The following TMTC2 variants were observed in gnomAD, a reference collection of about 807,000 sequenced individuals.
TMTC2 encodes the protein transmembrane O-mannosyltransferase targeting cadherins 2, also known as protein O-mannosyl-transferase TMTC2.
A neutral mutation model predicts 82.4 loss-of-function variants in TMTC2; 43 were observed. The ratio of observed to expected loss-of-function variants is 0.52; its 90% CI spans 0.41 to 0.67. The LOEUF (loss-of-function observed/expected upper bound fraction) is 0.67, where lower values mean the gene tolerates loss of function less well. TMTC2 is among the 30% of genes least tolerant of loss of function. TMTC2 has a pLI of 0.00. For missense variants in TMTC2, 919 were observed against 1,012.4 expected (o/e 0.91, Z 1.25); for synonymous variants, 408 against 381.9 (o/e 1.07, Z -0.80).
intron 2 of TMTC2, among the ~76,000 whole-genome samples, chr12:82,871,895 A>G (rs1872198959): frequency 6.6e-6 from 1 of 152,068 alleles, no homozygotes; most frequent in Admixed American, 6.6e-5. Context: ...AGTAGTGAAG[A>G]AAATAGACAA....
intron 1 of TMTC2, among the ~76,000 whole-genome samples, chr12:82,774,482 A>G (rs1877480495): frequency 6.6e-6 from 1 of 151,952 alleles, no homozygotes; most frequent in African/African-American, 2.4e-5. Context: ...CTAGCTGAGC[A>G]TGGTGGCATG....
chr12:82,735,392 CT>C lies in TMTC2; in HGVS notation c.83+47724del, dbSNP rs1479080718. 1.3e-4 allele frequency among the ~76,000 whole-genome samples: 19 copies of C among 150,286 alleles called. 1 individual carries two copies. The highest frequency in any genetic ancestry group is 1.1e-3 in the Admixed American group (17 of 15,048). On this transcript the variant is annotated intron_variant, in intron 1 of 11. Coordinates refer to ENST00000321196, the MANE Select transcript of TMTC2 (RefSeq NM_152588.3). ...ACAGAGTCTTACTCCGTCGCCCAGG[CT>C]GGAGTGCAGTGGCGCGATCTCGGCT...
Position 82,748,598 on chromosome 12 carries a change from A to G in TMTC2, c.83+60929A>G, listed in dbSNP as rs1269203251. On this transcript the variant is annotated intron_variant, in intron 1 of 11. Transcript: ENST00000321196. ...TGGATTAAATACATTAGTGGGGGCC[A>G]GACTCGGTGGCTCACACCTGTAATC... Among the ~76,000 whole-genome samples, 3 of 152,120 alleles carry G rather than the reference A, an allele frequency of 2.0e-5. No individual in the cohort carries two copies. In the East Asian group the frequency reaches 5.8e-4, roughly 29 times the overall value.
chr12:82,690,255 G>A (rs964054286), intron 1 of TMTC2: 19 of 422,132 alleles, frequency 4.5e-5, no homozygotes, highest in African/African-American at 3.2e-4. Flanking sequence ...CAGATGCAAA[G>A]ATTCATGTTT....
At chr12:82,917,845 A>G (rs71450909) in intron 3 of TMTC2, among the ~76,000 whole-genome samples, 2,148 of 150,270 alleles carry the variant, frequency 0.014, 30 homozygotes, top group Non-Finnish European at 0.022. Context: ...CTCGTGATCC[A>G]CCCGCCTTGG....
intron 3 of TMTC2, among the ~76,000 whole-genome samples, chr12:82,906,241 T>C (rs1324077521): frequency 6.6e-6 from 1 of 152,226 alleles, no homozygotes; most frequent in African/African-American, 2.4e-5. Context: ...TGATGAGTTG[T>C]AATTAACCAG....
chr12:82,723,504 GATGGGACCT>G (rs1231534760), intron 1 of TMTC2, among the ~76,000 whole-genome samples: 1 of 152,148 alleles, frequency 6.6e-6, no homozygotes, highest in African/African-American at 2.4e-5. Flanking sequence ...AGGTACTGGG[GATGGGACCT>G]ATGTCTAAAC....
intron 11 of TMTC2, among the ~76,000 whole-genome samples, chr12:83,080,661 A>G (rs967208656): frequency 5.9e-5 from 9 of 152,158 alleles, no homozygotes; most frequent in Non-Finnish European, 1.0e-4. Context: ...CTTCATGTGT[A>G]ACATTACCTA....
chr12:82,716,667 G>A (rs1873918907), intron 1 of TMTC2, among the ~76,000 whole-genome samples: 1 of 152,032 alleles, frequency 6.6e-6, no homozygotes, highest in Non-Finnish European at 1.5e-5. Context: ...CGGCCTGTCT[G>A]GTACATTTTT....
At chr12:82,760,860 C>T (rs191778991) in intron 1 of TMTC2, 8 of 411,814 alleles carry the variant, frequency 1.9e-5, no homozygotes, top group African/African-American at 1.7e-4. Flanking sequence ...CATTGTCTCC[C>T]CTCACCCCCA....
chr12:82,865,211 A>G (rs1467547795), intron 2 of TMTC2, among the ~76,000 whole-genome samples: 5 of 152,118 alleles, frequency 3.3e-5, no homozygotes, highest in African/African-American at 1.2e-4. Flanking sequence ...GGACAACAAG[A>G]GCAAGACTCC....
chr12:82,911,652 G>A (rs758056996), intron 3 of TMTC2, among the ~76,000 whole-genome samples: 1 of 151,776 alleles, frequency 6.6e-6, no homozygotes, highest in African/African-American at 2.4e-5. Context: ...GCCCAGGCTG[G>A]AGTACAGTGG....
intron 1 of TMTC2, among the ~76,000 whole-genome samples, chr12:82,816,587 A>G (rs755315538): frequency 2.6e-5 from 4 of 152,090 alleles, no homozygotes; most frequent in African/African-American, 4.8e-5. Flanking sequence ...TCAGACTTCT[A>G]TTATCTTCCC....
intron 1 of TMTC2, among the ~76,000 whole-genome samples, chr12:82,764,837 AT>A (rs10603409): frequency 0.25 from 36,771 of 145,946 alleles, 4,828 homozygotes; most frequent in Middle Eastern, 0.4. Flanking sequence ...GTGAATCTGC[AT>A]TTTTTTTTTT....
intron 1 of TMTC2, among the ~76,000 whole-genome samples, chr12:82,780,600 A>T (rs1877852319): frequency 6.6e-6 from 1 of 152,134 alleles, no homozygotes; most frequent in Non-Finnish European, 1.5e-5. Context: ...TCTTATGTCA[A>T]ATGAAAAGAA....
At chr12:82,965,345 T>G (rs1369242776) in intron 5 of TMTC2, among the ~76,000 whole-genome samples, 2 of 152,136 alleles carry the variant, frequency 1.3e-5, no homozygotes, top group African/African-American at 4.8e-5. Flanking sequence ...TTAAAATATT[T>G]GGAATTTCTT....
chr12:82,701,580 C>T (rs984561554), intron 1 of TMTC2, among the ~76,000 whole-genome samples: 3 of 144,638 alleles, frequency 2.1e-5, no homozygotes, highest in East Asian at 2.1e-4. Flanking sequence ...GGAGAAACCC[C>T]GTCTTTACTA....
chr12:82,781,836 G>T (rs1021785060), intron 1 of TMTC2, among the ~76,000 whole-genome samples: 4 of 151,592 alleles, frequency 2.6e-5, no homozygotes, highest in African/African-American at 7.3e-5. Flanking sequence ...GGCTGGGGTA[G>T]TTTGACCTCC....
chr12:83,110,136 C>T (rs1226263197), intron 11 of TMTC2, among the ~76,000 whole-genome samples: 7 of 152,182 alleles, frequency 4.6e-5, no homozygotes, highest in Admixed American at 1.3e-4. Flanking sequence ...TCCATCGTCA[C>T]GTCTAACCAT....
Sources: gnomAD v4.1 joint callset for allele counts (sites outside exome capture counted in the v4.1 genomes callset) on GRCh38, gnomAD v4.1.1 for gene constraint, MANE v1.5 for transcripts, NCBI Gene and HGNC (gene_info 2026-07-23, HGNC 2026-07-21) for gene names.